The following CCAR1 variants were observed in gnomAD, a reference collection of about 807,000 sequenced individuals.
CCAR1 encodes the protein cell division cycle and apoptosis regulator protein 1.
CCAR1 carries 78 observed loss-of-function variants against 163.8 expected under a neutral mutation model. The observed-to-expected ratio is 0.48, with a 90% CI of 0.40 to 0.57. CCAR1 has a LOEUF of 0.57. Ranked by LOEUF, CCAR1 falls within the 20% of genes least tolerant of loss-of-function variation. The pLI, the probability that CCAR1 is intolerant of heterozygous loss-of-function variation, is 0.00. For synonymous variants in CCAR1, 443 were observed against 460.7 expected (o/e 0.96, Z 0.49); for missense variants, 1,019 against 1,365.2 (o/e 0.75, Z 4.00).
intron 2 of CCAR1, among the ~76,000 whole-genome samples, chr10:68,730,758 C>T (rs1015789849): frequency 6.6e-6 from 1 of 152,114 alleles, no homozygotes; most frequent in Non-Finnish European, 1.5e-5. Context: ...GTGGTGCAGT[C>T]ACGCTCGCTG....
At chr10:68,752,917 TAGATAG>T (rs1238078627) in intron 10 of CCAR1, among the ~76,000 whole-genome samples, 124 of 151,914 alleles carry the variant, frequency 8.2e-4, no homozygotes, top group Non-Finnish European at 1.5e-3. Flanking sequence ...GATAGATAGA[TAGATAG>T]ATAGATAGAT....
chr10:68,760,653 G>A (rs2056457250), intron 15 of CCAR1, among the ~76,000 whole-genome samples: 2 of 152,116 alleles, frequency 1.3e-5, no homozygotes, highest in Non-Finnish European at 2.9e-5. Context: ...CTGATCACGA[G>A]GTCTGGAGTT....
intron 2 of CCAR1, among the ~76,000 whole-genome samples, chr10:68,734,759 A>G (rs760315590): frequency 3.3e-5 from 5 of 152,116 alleles, no homozygotes; most frequent in Non-Finnish European, 7.4e-5. Context: ...TTATTGCCCC[A>G]GGGAGCTAGT....
chr10:68,789,909 CAAG>C lies in CCAR1; in HGVS notation c.3391_3393del (p.Lys1131del), dbSNP rs1474008482. 1.9e-6 allele frequency: 3 copies of C among 1,544,416 alleles called. No individual in the cohort carries two copies. The highest frequency in any genetic ancestry group is 2.6e-6 in the Non-Finnish European group (3 of 1,148,386). On this transcript the variant is annotated inframe_deletion, in exon 24 of 25. Transcript: ENST00000265872. ...TAATGGATGAAATCCACACTGTTCT[CAAG>C]AAGGTGAGAAATTTTGTACTTTTAA...
chr10:68,785,762 A>C (rs992087429), intron 19 of CCAR1, among the ~76,000 whole-genome samples: 20 of 152,076 alleles, frequency 1.3e-4, no homozygotes, highest in African/African-American at 4.8e-4. Flanking sequence ...GCCATTCCCC[A>C]TCTTCCCTGA....
chr10:68,739,546 G>A (rs1293517876), intron 4 of CCAR1, among the ~76,000 whole-genome samples: 4 of 152,112 alleles, frequency 2.6e-5, no homozygotes, highest in African/African-American at 9.7e-5. Context: ...GCCCCTTGAG[G>A]CTTCAGAAGC....
At chr10:68,766,550 G>A (rs959893288) in intron 17 of CCAR1, among the ~76,000 whole-genome samples, 5 of 147,290 alleles carry the variant, frequency 3.4e-5, no homozygotes, top group South Asian at 2.2e-4. Flanking sequence ...TTTTTGAGAC[G>A]GAGTTCACTC....
intron 2 of CCAR1, among the ~76,000 whole-genome samples, chr10:68,733,830 A>C (rs1262327017): frequency 2.6e-5 from 4 of 151,892 alleles, no homozygotes; most frequent in African/African-American, 9.7e-5. Flanking sequence ...CACCTGGCTA[A>C]TTTTTATATT....
Position 68,753,755 on chromosome 10 carries a change from C to T in CCAR1, c.1119-97C>T. ...ACTGACTTTGTCTTTTTTCAGCTTA[C>T]TTTTTACTATATCCAGTTATATTTG... is the stretch of plus-strand genomic sequence containing the variant. On this transcript the variant is annotated intron_variant, in intron 10 of 24. Transcript: ENST00000265872. The T allele has an allele frequency of 3.4e-6, 3 of 894,636 alleles. No homozygotes were observed. The Admixed American group carries it at 6.9e-5, about 20-fold the overall frequency. The allele number at this position is 894,636 out of a possible 1,614,324, so 55.4% of individuals were successfully genotyped here.
In CCAR1 at chr10:68,749,087, C is replaced by T. The variant is rs1233563130; in HGVS notation, c.827-49C>T. The stretch of plus-strand genomic sequence containing the variant: ...CTCTAATTTTATCAGGTAATGCCTT[C>T]GAACTTTGTTTAGACACGCTAAACG... On this transcript the variant is annotated intron_variant, in intron 8 of 24. Coordinates refer to ENST00000265872, the MANE Select transcript of CCAR1 (RefSeq NM_018237.4). 5.6e-6 allele frequency: 9 copies of T among 1,609,404 alleles called. No homozygotes were observed. The Admixed American group carries it at 6.7e-5, about 12-fold the overall frequency.
At chr10:68,780,636 A>G (rs190173179) in intron 19 of CCAR1, among the ~76,000 whole-genome samples, 23 of 152,332 alleles carry the variant, frequency 1.5e-4, no homozygotes, top group African/African-American at 5.1e-4. Flanking sequence ...CCTTACGCCA[A>G]GCAAGCCTAT....
intron 23 of CCAR1, among the ~76,000 whole-genome samples, chr10:68,788,789 C>A (rs1323226344): frequency 5.3e-5 from 8 of 151,986 alleles, no homozygotes; most frequent in African/African-American, 1.9e-4. Context: ...CTGCAGGGAC[C>A]TTTACTTTTC....
At chr10:68,749,819 A>T in intron 10 of CCAR1, 134 bp downstream of exon 10, 1 of 712,428 alleles carries the variant, frequency 1.4e-6, no homozygotes, top group African/African-American at 1.8e-5. Context: ...GCAGAAATGC[A>T]ATTTGAAATA....
chr10:68,765,865 G>C (rs1322456109), intron 16 of CCAR1, 23 bp from the exon 17 acceptor site: 2 of 1,580,074 alleles, frequency 1.3e-6, no homozygotes, highest in Non-Finnish European at 1.7e-6. Context: ...ATTTAACCTT[G>C]ACTTGAAATT....
intron 5 of CCAR1, among the ~76,000 whole-genome samples, chr10:68,741,464 G>A (rs78819284): frequency 0.024 from 3,652 of 152,236 alleles, 64 homozygotes; most frequent in Non-Finnish European, 0.04. Flanking sequence ...CCTTTTGAAA[G>A]TGTAAAAAGT....
At position 68,754,066 on chromosome 10, in the gene CCAR1, T is replaced by A; in HGVS notation, c.1333T>A (p.Tyr445Asn). ...ILDPPDADHL[Y>N]SAKVMLMASP... Reference sequence around the variant, plus strand: ...TGATCCACCAGATGCTGACCACTTATACAGTGCAAAGGTTTGTATTCAGCT... The same window carrying A: ...TGATCCACCAGATGCTGACCACTTAAACAGTGCAAAGGTTTGTATTCAGCT... The change falls in exon 11 of 25, where the codon TAC (tyrosine) becomes AAC (asparagine). Residue 445 changes from tyrosine to asparagine, a missense_variant. Tyr to Asn is a moderately radical substitution (Grantham distance 143). Transcript: ENST00000265872. 6.2e-7 allele frequency: 1 copy of A among 1,610,736 alleles called. No individual in the cohort carries two copies. Among genetic ancestry groups the A allele is most frequent in the South Asian group, 1.1e-5 (1 of 91,000 alleles).
In CCAR1 at chr10:68,757,346, A is replaced by C; in HGVS notation, c.1889A>C (p.His630Pro). ...GCTAAAGAAATTTCTACACCTACCCATTGGTCTAAACTTGATCCAAAGACA... is the reference window on the plus strand; with the variant it reads ...GCTAAAGAAATTTCTACACCTACCCCTTGGTCTAAACTTGATCCAAAGACA... The part of the protein sequence containing the change: ...GEAKEISTPT[H>P]WSKLDPKTMK... Residue 630 changes from histidine to proline, a missense_variant, in exon 15 of 25, where the codon CAT (histidine) becomes CCT (proline). By Grantham distance (77) the His-to-Pro change is moderately conservative (BLOSUM62 -2). This residue lies in a region of CCAR1 where 644 missense variants were observed against 904.4 expected (regional missense o/e 0.71). Transcript: ENST00000265872. 6.3e-7 allele frequency: 1 copy of C among 1,584,706 alleles called. No homozygotes were observed. The highest frequency in any genetic ancestry group is 8.7e-7 in the Non-Finnish European group (1 of 1,153,948).
intron 2 of CCAR1, among the ~76,000 whole-genome samples, chr10:68,732,888 G>A (rs1457812565): frequency 2.0e-5 from 3 of 152,068 alleles, no homozygotes; most frequent in African/African-American, 4.8e-5. Flanking sequence ...TTGCACCACC[G>A]CATTCCAGCC....
intron 10 of CCAR1, 91 bp from the exon 11 acceptor site, chr10:68,753,761 A>T: frequency 1.1e-6 from 1 of 924,134 alleles, no homozygotes; most frequent in Non-Finnish European, 1.7e-6. Context: ...CTTACTTTTT[A>T]CTATATCCAG....
Sources: allele counts gnomAD v4.1 joint callset (sites outside exome capture counted in the v4.1 genomes callset), GRCh38; gene constraint gnomAD v4.1.1; regional missense constraint gnomAD v4.1.1; transcripts MANE v1.5; gene names NCBI Gene and HGNC (gene_info 2026-07-23, HGNC 2026-07-21).